Variants in ANKRD27 observed in about 807,000 individuals in gnomAD.
The protein encoded by ANKRD27 is ankyrin repeat domain 27.
ANKRD27 carries 112 observed loss-of-function variants against 129.7 expected under a neutral mutation model. That is an observed-to-expected ratio of 0.86 (90% confidence interval 0.74 to 1.01). The LOEUF is 1.01. Among genes scored for constraint, ANKRD27 ranks in the 50% least tolerant of loss-of-function variants. ANKRD27 has a pLI of 0.00. For synonymous variants in ANKRD27, 516 were observed against 511.2 expected (o/e 1.01, Z -0.13); for missense variants, 1,258 against 1,300.5 (o/e 0.97, Z 0.50).
intron 22 of ANKRD27, among the ~76,000 whole-genome samples, chr19:32,609,222 A>G (rs1171607137): frequency 2.0e-5 from 3 of 152,134 alleles, no homozygotes; most frequent in Non-Finnish European, 4.4e-5. Context: ...GAAAACTGGC[A>G]GTTTCTTTTA....
intron 1 of ANKRD27, among the ~76,000 whole-genome samples, chr19:32,674,111 G>A (rs1263783778): frequency 1.3e-5 from 2 of 151,962 alleles, no homozygotes; most frequent in African/African-American, 4.8e-5. Context: ...GAGCTATGAT[G>A]GCATCACTGC....
intron 17 of ANKRD27, among the ~76,000 whole-genome samples, chr19:32,623,055 G>A (rs1367880622): frequency 6.6e-6 from 1 of 151,754 alleles, no homozygotes; most frequent in Non-Finnish European, 1.5e-5. Flanking sequence ...GCCTCTCACA[G>A]TGCTGGAATT....
intron 24 of ANKRD27, 69 bp downstream of exon 24, chr19:32,605,766 G>A: frequency 6.3e-7 from 1 of 1,582,000 alleles, no homozygotes. Flanking sequence ...GCGCTGCGGG[G>A]GTCGCTGGGT....
chr19:32,599,919 T>C, intron 27 of ANKRD27, 53 bp downstream of exon 27: 3 of 1,548,030 alleles, frequency 1.9e-6, no homozygotes, highest in Non-Finnish European at 2.7e-6. Context: ...TACGTGCAGC[T>C]TGGAGTAAAC....
chr19:32,645,476 T>C (rs983185679), intron 4 of ANKRD27, among the ~76,000 whole-genome samples: 1 of 151,994 alleles, frequency 6.6e-6, no homozygotes, highest in Non-Finnish European at 1.5e-5. Context: ...TCTTGTTCTG[T>C]AGCCCATGCT....
chr19:32,648,614 C>G (rs1967348290), intron 3 of ANKRD27, among the ~76,000 whole-genome samples: 1 of 152,050 alleles, frequency 6.6e-6, no homozygotes, highest in Non-Finnish European at 1.5e-5. Flanking sequence ...TACTGGCTAA[C>G]ATGGTGAAAC....
At chr19:32,626,971 C>G (rs1220396281) in intron 15 of ANKRD27, 144 bp from the exon 16 acceptor site, 3 of 589,664 alleles carry the variant, frequency 5.1e-6, no homozygotes, top group Admixed American at 3.2e-5. Context: ...AGAGGAACTA[C>G]AGCTAATATA....
chr19:32,631,682 T>C (rs956743437), intron 12 of ANKRD27, among the ~76,000 whole-genome samples, 188 bp from the exon 13 acceptor site: 1 of 152,108 alleles, frequency 6.6e-6, no homozygotes, highest in African/African-American at 2.4e-5. Context: ...TTCCTGGAAG[T>C]GGAGGCTTTG....
At chr19:32,607,144 TAAAAAAAAAAA>T (rs34734065) in intron 23 of ANKRD27, among the ~76,000 whole-genome samples, 2 of 94,360 alleles carry the variant, frequency 2.1e-5, no homozygotes, top group African/African-American at 9.2e-5. Context: ...GGTGATGTCT[TAAAAAAAAAAA>T]AAAAAAAAAA....
intron 28 of ANKRD27, 114 bp downstream of exon 28, chr19:32,599,590 T>TA: frequency 1.1e-6 from 1 of 904,238 alleles, no homozygotes; most frequent in Non-Finnish European, 1.7e-6. Flanking sequence ...TGCTAACTCA[T>TA]ACGGCGCACG....
intron 1 of ANKRD27, among the ~76,000 whole-genome samples, chr19:32,671,298 A>AC (rs1314464853): frequency 1.6e-4 from 24 of 151,898 alleles, no homozygotes; most frequent in Admixed American, 1.4e-3. Context: ...CAAAAAAAAA[A>AC]AGTAATAATC....
At chr19:32,619,157 G>A in intron 20 of ANKRD27, 103 bp downstream of exon 20, 1 of 1,451,488 alleles carries the variant, frequency 6.9e-7, no homozygotes, top group Non-Finnish European at 9.2e-7. Context: ...TGGGCAAGCA[G>A]GCTGAGAGGG....
chr19:32,611,422 C>T (rs1375372023), intron 22 of ANKRD27, among the ~76,000 whole-genome samples: 1 of 152,144 alleles, frequency 6.6e-6, no homozygotes, highest in African/African-American at 2.4e-5. Context: ...GTGCACATCC[C>T]CAGTGTACAT....
chr19:32,674,599 C>T (rs1967943590), intron 1 of ANKRD27, among the ~76,000 whole-genome samples: 1 of 152,294 alleles, frequency 6.6e-6, no homozygotes, highest in South Asian at 2.1e-4. Context: ...AGGCCGGCAG[C>T]CAGGGATTCC....
In ANKRD27 at chr19:32,599,972, T is replaced by C. The variant is rs1386500823; in HGVS notation, c.2846A>G (p.Lys949Arg). The change falls in exon 27 of 29, where the codon AAG (lysine) becomes AGG (arginine). Residue 949 changes from lysine to arginine, a missense_variant and splice_region_variant. Coordinates refer to ENST00000306065, the MANE Select transcript of ANKRD27 (RefSeq NM_032139.3). ...AAATCAACTTGAGTTTCATACTCACTTAAACTGACCAGCTGAGTGGACAAA... is the reference window on the plus strand; with the variant it reads ...AAATCAACTTGAGTTTCATACTCACCTAAACTGACCAGCTGAGTGGACAAA... ...FYFVHSAGQF[K>R]GKTSREIMAR... is the part of the protein sequence containing the mutation. 29 of 1,611,650 alleles carry C rather than the reference T, an allele frequency of 1.8e-5. No individual in the cohort carries two copies. In the East Asian group the frequency reaches 5.8e-4, roughly 32 times the overall value.
chr19:32,628,671 G>C, intron 14 of ANKRD27, 51 bp downstream of exon 14: 1 of 1,609,206 alleles, frequency 6.2e-7, no homozygotes, highest in Non-Finnish European at 8.5e-7. Context: ...AGGTCCAGGA[G>C]GCCTGTCTCC....
At chr19:32,637,149 TGCACCTGAGA>T (rs1247300626) in intron 12 of ANKRD27, among the ~76,000 whole-genome samples, 2 of 152,234 alleles carry the variant, frequency 1.3e-5, no homozygotes, top group Non-Finnish European at 2.9e-5. Flanking sequence ...TGGAAATGCC[TGCACCTGAGA>T]GCACCTGGAC....
intron 1 of ANKRD27, among the ~76,000 whole-genome samples, chr19:32,673,950 C>G (rs1472906479): frequency 6.7e-6 from 1 of 149,040 alleles, no homozygotes; most frequent in Non-Finnish European, 1.5e-5. Flanking sequence ...AGTTCAAGAC[C>G]AGCCTAGGCA....
At chr19:32,619,636 G>T in intron 18 of ANKRD27, 83 bp from the exon 19 acceptor site, 2 of 1,511,278 alleles carry the variant, frequency 1.3e-6, no homozygotes, top group East Asian at 4.5e-5. Context: ...ACGCCCCACT[G>T]CCGGCCTAGC....
Sources: gnomAD v4.1 joint callset for allele counts (sites outside exome capture counted in the v4.1 genomes callset) on GRCh38, gnomAD v4.1.1 for gene constraint, MANE v1.5 for transcripts, NCBI Gene and HGNC (gene_info 2026-07-23, HGNC 2026-07-21) for gene names.